The following RBFOX1 variants were observed in gnomAD, a reference collection of about 807,000 sequenced individuals.
The protein encoded by RBFOX1 is RNA binding fox-1 homolog 1, also known as RNA binding protein fox-1 homolog 1.
A neutral mutation model predicts 57.7 loss-of-function variants in RBFOX1; 8 were observed. The observed-to-expected ratio is 0.14, with a 90% confidence interval of 0.08 to 0.25. RBFOX1 has a LOEUF of 0.25. Ranked by LOEUF, RBFOX1 falls within the 10% of genes least tolerant of loss-of-function variation. The pLI, the probability that RBFOX1 is intolerant of heterozygous loss-of-function variation, is 1.00. For synonymous variants in RBFOX1, 326 were observed against 222.4 expected (o/e 1.47, Z -4.15); for missense variants, 611 against 548.5 (o/e 1.11, Z -1.14).
At chr16:5,685,366 C>G (rs1340277439) in intron 3 of RBFOX1, among the ~76,000 whole-genome samples, 1 of 152,168 alleles carries the variant, frequency 6.6e-6, no homozygotes, top group East Asian at 1.9e-4. Context: ...TGGAGGGGCT[C>G]TTATGAGTAG....
rs181574916 is a variant in RBFOX1, at chr16:5,402,872, C to T, written c.220-64344C>T. Reference sequence around the variant, plus strand: ...CAATATAGATATATTAAGTGCCAGCCGCATACTAGTAAACAAGAGAGATAA... The same window carrying T: ...CAATATAGATATATTAAGTGCCAGCTGCATACTAGTAAACAAGAGAGATAA... On this transcript the variant is annotated intron_variant, in intron 1 of 2. Transcript: ENST00000585867. Among the ~76,000 whole-genome samples the T allele has an allele frequency of 2.1e-4, 32 of 152,172 alleles. No individual in the cohort carries two copies. In the East Asian group the frequency reaches 5.8e-3, roughly 28 times the overall value.
intron 3 of RBFOX1, among the ~76,000 whole-genome samples, chr16:5,716,520 C>A (rs947025908): frequency 6.6e-6 from 1 of 152,198 alleles, no homozygotes; most frequent in Admixed American, 6.5e-5. Flanking sequence ...CATCTCACAC[C>A]AGTCAGAGTG....
At chr16:6,916,890 C>T (rs958548068) in intron 3 of RBFOX1, among the ~76,000 whole-genome samples, 2 of 151,996 alleles carry the variant, frequency 1.3e-5, no homozygotes, top group Non-Finnish European at 2.9e-5. Context: ...CTCTCTGTTG[C>T]CCAGGCTAGA....
chr16:5,867,480 T>G, intron 4 of RBFOX1: 1 of 544,414 alleles, frequency 1.8e-6, no homozygotes, highest in Non-Finnish European at 2.8e-6. Flanking sequence ...TTGAGTGGTT[T>G]CTGTGCTGCT....
chr16:6,020,018 C>A, intron 1 of RBFOX1, 26 bp downstream of exon 1: 2 of 1,488,014 alleles, frequency 1.3e-6, no homozygotes, highest in Non-Finnish European at 1.8e-6. Flanking sequence ...GTCATTGCCT[C>A]TGCACCCACC....
intron 1 of RBFOX1, among the ~76,000 whole-genome samples, chr16:6,299,293 TA>T (rs1401140579): frequency 2.6e-5 from 4 of 152,238 alleles, no homozygotes; most frequent in Admixed American, 1.3e-4. Flanking sequence ...AATAATGTGA[TA>T]ACCATGTTAT....
At chr16:7,230,908 C>T (rs1468894480) in intron 4 of RBFOX1, among the ~76,000 whole-genome samples, 1 of 152,108 alleles carries the variant, frequency 6.6e-6, no homozygotes. Context: ...TTTGTCTTCC[C>T]AAGGTTACTG....
At position 6,450,813 on chromosome 16, in the gene RBFOX1, A is replaced by AATTT. The variant is rs1567303372; in HGVS notation, c.-64+133756_-64+133757insATTT. The stretch of plus-strand genomic sequence containing the variant: ...TACATATATATATGTATATATATAT[A>AATTT]TATACATATATATATATATATATGT... On this transcript the variant is annotated intron_variant, in intron 2 of 15. Coordinates refer to ENST00000550418, the MANE Select transcript of RBFOX1 (RefSeq NM_018723.4). Among the ~76,000 whole-genome samples the AATTT allele has an allele frequency of 1.0e-3, 15 of 14,544 alleles. 1 individual carries two copies. Among genetic ancestry groups the AATTT allele is most frequent in the African/African-American group, 6.9e-3 (15 of 2,162 alleles). 9.5% of individuals were successfully genotyped at this position (14,544 alleles called of 152,430 possible). A position where few individuals can be genotyped will look rare whatever the true frequency, so the allele number is the denominator to read the frequency against.
intron 3 of RBFOX1, among the ~76,000 whole-genome samples, chr16:6,664,340 C>T (rs2098719112): frequency 6.6e-6 from 1 of 152,214 alleles, no homozygotes; most frequent in South Asian, 2.1e-4. Flanking sequence ...CAAACTAATG[C>T]ATAGCCACTA....
At chr16:7,439,430 TAAG>T (rs1015840906) in intron 4 of RBFOX1, among the ~76,000 whole-genome samples, 1 of 152,112 alleles carries the variant, frequency 6.6e-6, no homozygotes, top group Non-Finnish European at 1.5e-5. Context: ...CCATTCACTT[TAAG>T]AAGAAAACAA....
At chr16:6,452,738 A>G (rs1375741188) in intron 2 of RBFOX1, among the ~76,000 whole-genome samples, 1 of 152,192 alleles carries the variant, frequency 6.6e-6, no homozygotes, top group Non-Finnish European at 1.5e-5. Flanking sequence ...AGACTGCTTT[A>G]AAGTGGATCC....
intron 1 of RBFOX1, among the ~76,000 whole-genome samples, chr16:6,021,012 T>C (rs1455699433): frequency 6.6e-6 from 1 of 152,200 alleles, no homozygotes; most frequent in Non-Finnish European, 1.5e-5. Flanking sequence ...GTGCACCTGC[T>C]GGCACTGGAA....
chr16:7,088,612 T>C (rs1466804823), intron 4 of RBFOX1, among the ~76,000 whole-genome samples: 1 of 151,896 alleles, frequency 6.6e-6, no homozygotes, highest in Non-Finnish European at 1.5e-5. Context: ...TGAATTACAA[T>C]ATTTAACTCT....
At chr16:5,390,030 T>C (rs529185417) in intron 1 of RBFOX1, among the ~76,000 whole-genome samples, 4 of 152,158 alleles carry the variant, frequency 2.6e-5, no homozygotes, top group South Asian at 4.2e-4. Flanking sequence ...GGCTGTACTT[T>C]CCATTTTTAT....
intron 3 of RBFOX1, among the ~76,000 whole-genome samples, chr16:6,812,804 T>C (rs1004350936): frequency 6.6e-6 from 1 of 152,202 alleles, no homozygotes; most frequent in Non-Finnish European, 1.5e-5. Flanking sequence ...CCTCCTGTTT[T>C]ACTCCATTAG....
At chr16:6,100,508 C>T (rs2096292818) in intron 1 of RBFOX1, among the ~76,000 whole-genome samples, 2 of 152,184 alleles carry the variant, frequency 1.3e-5, no homozygotes, top group Admixed American at 6.5e-5. Context: ...ACCTGAGCTT[C>T]CTCCACACAC....
chr16:5,383,797 A>G (rs983414791), intron 1 of RBFOX1, among the ~76,000 whole-genome samples: 1 of 152,204 alleles, frequency 6.6e-6, no homozygotes, highest in African/African-American at 2.4e-5. Context: ...TGGGGCTACA[A>G]GTGACAGAAC....
intron 2 of RBFOX1, among the ~76,000 whole-genome samples, chr16:6,642,382 C>G (rs189789416): frequency 2.0e-5 from 3 of 152,272 alleles, no homozygotes; most frequent in African/African-American, 7.2e-5. Flanking sequence ...GATGCCAATG[C>G]ATAGCTCTTA....
chr16:7,050,250 T>C (rs576319804), intron 3 of RBFOX1, among the ~76,000 whole-genome samples: 20 of 150,980 alleles, frequency 1.3e-4, no homozygotes, highest in African/African-American at 2.2e-4. Flanking sequence ...TCTTTTTTTT[T>C]CCTTTATTTT....
Sources: allele counts gnomAD v4.1 joint callset (sites outside exome capture counted in the v4.1 genomes callset), GRCh38; gene constraint gnomAD v4.1.1; transcripts MANE v1.5; gene names NCBI Gene and HGNC (gene_info 2026-07-23, HGNC 2026-07-21).